Variants in ITPR1 observed in about 807,000 individuals in gnomAD.
ITPR1 encodes the protein inositol 1,4,5-trisphosphate receptor type 1, also known as inositol 1,4,5-trisphosphate-gated calcium channel ITPR1.
Under a neutral mutation model 318.4 loss-of-function variants are expected in ITPR1, and 96 were observed. The ratio of observed to expected loss-of-function variants is 0.30; its 90% CI spans 0.26 to 0.36. The LOEUF is 0.36. Ranked by LOEUF, ITPR1 falls within the 10% of genes least tolerant of loss-of-function variation. The probability of loss-of-function intolerance (pLI) is 1.00; values close to 1 mark genes in which losing one functional copy is unlikely to be tolerated. For synonymous variants in ITPR1, 1,312 were observed against 1,289.9 expected, an observed-to-expected ratio of 1.02 and a Z score of -0.37; for missense variants, 2,440 against 3,460.2, an observed-to-expected ratio of 0.71 and a Z score of 7.40.
chr3:4,680,548 T>C lies in ITPR1; in HGVS notation c.2968-5T>C. 4 of 1,612,830 alleles carry C rather than the reference T, an allele frequency of 2.5e-6. No individual in the cohort carries two copies. Among genetic ancestry groups the C allele is most frequent in the Non-Finnish European group, 3.4e-6 (4 of 1,178,938 alleles). On this transcript the variant is annotated splice_region_variant and splice_polypyrimidine_tract_variant and intron_variant, in intron 24 of 61. Transcript: ENST00000649015. The stretch of plus-strand genomic sequence containing the variant: ...ATCTGTTTCCATTTCCACTTGAATC[T>C]TTAGTTTATTTTGAATGTGAGGTTG...
intron 4 of ITPR1, among the ~76,000 whole-genome samples, chr3:4,614,476 T>G (rs2092305927): frequency 6.6e-6 from 1 of 152,250 alleles, no homozygotes; most frequent in African/African-American, 2.4e-5. Context: ...GTTTAATTTT[T>G]AAAGTTAATT....
At chr3:4,837,535 G>A (rs2051012396) in intron 61 of ITPR1, among the ~76,000 whole-genome samples, 1 of 151,856 alleles carries the variant, frequency 6.6e-6, no homozygotes, top group African/African-American at 2.4e-5. Flanking sequence ...CAGAAATACT[G>A]CCTGCACCCT....
intron 42 of ITPR1, among the ~76,000 whole-genome samples, chr3:4,730,373 G>A (rs1436250083): frequency 2.8e-5 from 1 of 36,188 alleles, no homozygotes; most frequent in Admixed American, 2.6e-4. Context: ...TGGGTGGAAT[G>A]TGTGTGTGTG....
chr3:4,534,254 G>A (rs1288624122), intron 4 of ITPR1, among the ~76,000 whole-genome samples: 4 of 152,078 alleles, frequency 2.6e-5, no homozygotes, highest in African/African-American at 9.7e-5. Context: ...TTTTCAACCC[G>A]TACCACCCCC....
chr3:4,707,124 T>A (rs953872331), intron 37 of ITPR1, among the ~76,000 whole-genome samples: 1 of 152,242 alleles, frequency 6.6e-6, no homozygotes, highest in Non-Finnish European at 1.5e-5. Context: ...AGATTCCTAG[T>A]CTGTAAAACA....
intron 52 of ITPR1, among the ~76,000 whole-genome samples, chr3:4,793,068 A>G (rs1252113598): frequency 6.6e-6 from 1 of 152,194 alleles, no homozygotes; most frequent in East Asian, 1.9e-4. Flanking sequence ...AATAAAAGAC[A>G]TTGCATGTCA....
At chr3:4,611,057 C>CCCTCCCTCCCTCCCTT (rs1553644355) in intron 4 of ITPR1, among the ~76,000 whole-genome samples, 1 of 88,324 alleles carries the variant, frequency 1.1e-5, no homozygotes, top group African/African-American at 5.7e-5. Flanking sequence ...CTCCCTCCCT[C>CCCTCCCTCCCTCCCTT]CCTTCCTTCC....
At chr3:4,720,841 A>G (rs1341030680) in intron 40 of ITPR1, among the ~76,000 whole-genome samples, 1 of 152,084 alleles carries the variant, frequency 6.6e-6, no homozygotes, top group African/African-American at 2.4e-5. Context: ...TTTCACCTTC[A>G]GGGGGCGTTC....
chr3:4,613,230 G>C (rs1201800938), intron 4 of ITPR1, among the ~76,000 whole-genome samples: 1 of 152,214 alleles, frequency 6.6e-6, no homozygotes, highest in African/African-American at 2.4e-5. Context: ...TCCTTTGTCA[G>C]TCTTCCACTA....
chr3:4,612,063 C>CTTTTTTT (rs34678180), intron 4 of ITPR1, among the ~76,000 whole-genome samples: 3 of 108,554 alleles, frequency 2.8e-5, no homozygotes, highest in African/African-American at 7.3e-5. Context: ...GTATCAGGCC[C>CTTTTTTT]TTTTTTTTTT....
chr3:4,511,261 T>C (rs2081801579), intron 2 of ITPR1, among the ~76,000 whole-genome samples: 1 of 152,214 alleles, frequency 6.6e-6, no homozygotes, highest in Non-Finnish European at 1.5e-5. Context: ...TTTTTTTCTT[T>C]ATTTGCACTT....
At chr3:4,579,093 C>T (rs1266059883) in intron 4 of ITPR1, among the ~76,000 whole-genome samples, 2 of 152,204 alleles carry the variant, frequency 1.3e-5, no homozygotes, top group African/African-American at 4.8e-5. Context: ...ACGTAGCAGG[C>T]TCAGGGTCAC....
intron 4 of ITPR1, among the ~76,000 whole-genome samples, chr3:4,552,590 T>C (rs1468163291): frequency 6.6e-6 from 1 of 152,208 alleles, no homozygotes; most frequent in Non-Finnish European, 1.5e-5. Context: ...GATGAGTTCT[T>C]GTTCACCATC....
chr3:4,795,469 A>G (rs1433247650), intron 53 of ITPR1, among the ~76,000 whole-genome samples: 4 of 152,238 alleles, frequency 2.6e-5, no homozygotes, highest in East Asian at 1.9e-4. Flanking sequence ...TCTTTTATAT[A>G]TGAGGAAACT....
intron 50 of ITPR1, 116 bp from the exon 51 acceptor site, chr3:4,783,700 C>G: frequency 4.7e-6 from 4 of 845,954 alleles, no homozygotes; most frequent in Non-Finnish European, 7.8e-6. Flanking sequence ...GCACCTTTGC[C>G]CTTTGGCTTG....
chr3:4,506,552 A>G (rs1287863598), intron 2 of ITPR1, among the ~76,000 whole-genome samples: 1 of 152,168 alleles, frequency 6.6e-6, no homozygotes, highest in East Asian at 1.9e-4. Context: ...TGCTTGTTTT[A>G]TCTGTTTGTT....
chr3:4,589,846 A>T (rs1325667361), intron 4 of ITPR1, among the ~76,000 whole-genome samples: 1 of 152,160 alleles, frequency 6.6e-6, no homozygotes, highest in Non-Finnish European at 1.5e-5. Context: ...ATCTCTGGGT[A>T]TGCGGCCAGG....
At chr3:4,702,131 A>ATTTTTAAT (rs557847556) in intron 35 of ITPR1, among the ~76,000 whole-genome samples, 1 of 152,044 alleles carries the variant, frequency 6.6e-6, no homozygotes, top group Non-Finnish European at 1.5e-5. Flanking sequence ...GTACTCAGAA[A>ATTTTTAAT]GTCAGTGTCA....
intron 53 of ITPR1, among the ~76,000 whole-genome samples, chr3:4,797,589 A>T (rs2047979464): frequency 6.6e-6 from 1 of 152,226 alleles, no homozygotes; most frequent in Non-Finnish European, 1.5e-5. Flanking sequence ...AAAAGCGTGC[A>T]ACTCAGGCAG....
Sources: gnomAD v4.1 joint callset for allele counts (sites outside exome capture counted in the v4.1 genomes callset) on GRCh38, gnomAD v4.1.1 for gene constraint, MANE v1.5 for transcripts, NCBI Gene and HGNC (gene_info 2026-07-23, HGNC 2026-07-21) for gene names.